The following KCTD8 variants were observed in gnomAD, a reference collection of about 807,000 sequenced individuals.
The protein encoded by KCTD8 is potassium channel tetramerization domain containing 8.
In KCTD8, 27 loss-of-function variants were observed where a neutral mutation model predicts 31.5. The observed-to-expected ratio is 0.86, with a 90% CI of 0.63 to 1.18. The LOEUF is 1.18. KCTD8 is among the 50% of genes most tolerant of loss of function. The pLI, the probability that KCTD8 is intolerant of heterozygous loss-of-function variation, is 0.00. For missense variants in KCTD8, 658 were observed against 647.7 expected (o/e 1.02, Z -0.17); for synonymous variants, 290 against 280.0 (o/e 1.04, Z -0.36).
intron 1 of KCTD8, among the ~76,000 whole-genome samples, chr4:44,446,693 A>G (rs1721946179): frequency 6.6e-6 from 1 of 152,128 alleles, no homozygotes; most frequent in South Asian, 2.1e-4. Flanking sequence ...CGCTCTATTT[A>G]TTCACCCTGA....
At chr4:44,341,836 T>A (rs1208114001) in intron 1 of KCTD8, among the ~76,000 whole-genome samples, 1 of 152,222 alleles carries the variant, frequency 6.6e-6, no homozygotes, top group Admixed American at 6.5e-5. Flanking sequence ...ATGTTCTTTA[T>A]GGCATCTCTA....
At chr4:44,436,485 G>C (rs1439271798) in intron 1 of KCTD8, among the ~76,000 whole-genome samples, 1 of 151,924 alleles carries the variant, frequency 6.6e-6, no homozygotes, top group African/African-American at 2.4e-5. Flanking sequence ...TTTTAAAAAG[G>C]CTATATTTTT....
chr4:44,365,278 G>A (rs1016623635), intron 1 of KCTD8, among the ~76,000 whole-genome samples: 2 of 151,898 alleles, frequency 1.3e-5, no homozygotes, highest in East Asian at 3.9e-4. Flanking sequence ...AATTGTGAAC[G>A]GTTTTATCTT....
chr4:44,176,860 C>CATCT (rs58202328), intron 1 of KCTD8, among the ~76,000 whole-genome samples: 24,160 of 148,312 alleles, frequency 0.16, 2,097 homozygotes, highest in Non-Finnish European at 0.2. Flanking sequence ...TATATGTCTA[C>CATCT]ATCTATCTAT....
rs971581713 is a variant in KCTD8 at position 44,254,020 on chromosome 4, T to C, written c.962-78770A>G. On this transcript the variant is annotated intron_variant, in intron 1 of 1. Coordinates refer to ENST00000360029, the MANE Select transcript of KCTD8 (RefSeq NM_198353.3). ...AGTAAAAAAGGCAACCTGTGTTATA[T>C]GTGGTGGAAAATGTGGCAACACAGT... 5.3e-5 allele frequency among the ~76,000 whole-genome samples: 8 copies of C among 151,794 alleles called. No individual in the cohort carries two copies. In the South Asian group the frequency reaches 6.2e-4, roughly 12 times the overall value.
chr4:44,361,161 GT>G (rs1334186602), intron 1 of KCTD8, among the ~76,000 whole-genome samples: 1 of 151,702 alleles, frequency 6.6e-6, no homozygotes, highest in East Asian at 1.9e-4. Context: ...CACATTCATT[GT>G]AAAGATCCTT....
intron 1 of KCTD8, among the ~76,000 whole-genome samples, chr4:44,202,100 T>A (rs1192652688): frequency 6.6e-6 from 1 of 152,116 alleles, no homozygotes; most frequent in Admixed American, 6.6e-5. Context: ...TACAGTCTTA[T>A]ATTAGTCAGA....
intron 1 of KCTD8, among the ~76,000 whole-genome samples, chr4:44,407,730 C>T (rs1720836709): frequency 6.6e-6 from 1 of 152,088 alleles, no homozygotes; most frequent in African/African-American, 2.4e-5. Context: ...GATATTCCAT[C>T]ACCCTGGTTC....
intron 1 of KCTD8, among the ~76,000 whole-genome samples, chr4:44,328,179 A>G (rs1718498391): frequency 6.6e-6 from 1 of 152,012 alleles, no homozygotes. Flanking sequence ...AAAGTAAACC[A>G]ACTCATAGAA....
chr4:44,270,560 A>T (rs2109371942), intron 1 of KCTD8, among the ~76,000 whole-genome samples: 1 of 152,044 alleles, frequency 6.6e-6, no homozygotes, highest in South Asian at 2.1e-4. Flanking sequence ...TAAAAAAAAG[A>T]AGGTGACCTT....
intron 1 of KCTD8, among the ~76,000 whole-genome samples, chr4:44,185,537 C>T (rs1165405647): frequency 6.6e-6 from 1 of 152,126 alleles, no homozygotes; most frequent in African/African-American, 2.4e-5. Context: ...ACAAATAACC[C>T]CAGCCCATAT....
At chr4:44,209,499 C>T (rs933296069) in intron 1 of KCTD8, among the ~76,000 whole-genome samples, 1 of 150,416 alleles carries the variant, frequency 6.6e-6, no homozygotes, top group Non-Finnish European at 1.5e-5. Flanking sequence ...TACACACATA[C>T]ACACACACAC....
chr4:44,338,198 C>T (rs1452952695), intron 1 of KCTD8, among the ~76,000 whole-genome samples: 1 of 151,842 alleles, frequency 6.6e-6, no homozygotes, highest in Non-Finnish European at 1.5e-5. Context: ...CTTATTTATG[C>T]TTATCTCAAT....
intron 1 of KCTD8, among the ~76,000 whole-genome samples, chr4:44,434,058 T>C (rs887661226): frequency 2.0e-5 from 3 of 151,870 alleles, no homozygotes; most frequent in African/African-American, 7.2e-5. Context: ...TCCAGATTTT[T>C]CTTCCAACAC....
chr4:44,356,533 G>A (rs566222960), intron 1 of KCTD8, among the ~76,000 whole-genome samples: 1 of 152,250 alleles, frequency 6.6e-6, no homozygotes, highest in Admixed American at 6.5e-5. Flanking sequence ...GAGTGCAGTG[G>A]CACGATCTCA....
intron 1 of KCTD8, among the ~76,000 whole-genome samples, chr4:44,445,907 T>A (rs1380243594): frequency 6.6e-6 from 1 of 152,206 alleles, no homozygotes; most frequent in Non-Finnish European, 1.5e-5. Context: ...TTACTCAATA[T>A]ATATTTAAGA....
At chr4:44,224,719 T>A (rs535796972) in intron 1 of KCTD8, among the ~76,000 whole-genome samples, 1 of 152,284 alleles carries the variant, frequency 6.6e-6, no homozygotes, top group African/African-American at 2.4e-5. Context: ...ATAATAAAAA[T>A]ATATTTCTTG....
chr4:44,195,355 A>G (rs1713907180), intron 1 of KCTD8, among the ~76,000 whole-genome samples: 1 of 152,212 alleles, frequency 6.6e-6, no homozygotes, highest in South Asian at 2.1e-4. Context: ...ATTACAAAAT[A>G]AAACCCAACA....
At chr4:44,358,234 T>C (rs1219497166) in intron 1 of KCTD8, among the ~76,000 whole-genome samples, 3 of 152,198 alleles carry the variant, frequency 2.0e-5, no homozygotes, top group Non-Finnish European at 2.9e-5. Context: ...ACTCATCCTT[T>C]TTTATGGCTG....
Sources: gnomAD v4.1 joint callset for allele counts (sites outside exome capture counted in the v4.1 genomes callset) on GRCh38, gnomAD v4.1.1 for gene constraint, MANE v1.5 for transcripts, NCBI Gene and HGNC (gene_info 2026-07-23, HGNC 2026-07-21) for gene names.